The following FAM117B variants were observed in gnomAD, a reference collection of about 807,000 sequenced individuals.
The protein encoded by FAM117B is protein FAM117B.
In FAM117B, 22 loss-of-function variants were observed where a neutral mutation model predicts 52.8. That is an observed-to-expected ratio of 0.42 (90% CI 0.30 to 0.59). The LOEUF (loss-of-function observed/expected upper bound fraction) is 0.59, where lower values mean the gene tolerates loss of function less well. FAM117B is among the 20% of genes least tolerant of loss of function. The pLI, the probability that FAM117B is intolerant of heterozygous loss-of-function variation, is 0.22. For missense variants in FAM117B, 678 were observed against 802.6 expected (o/e 0.84, Z 1.88); for synonymous variants, 309 against 324.1 (o/e 0.95, Z 0.50).
intron 2 of FAM117B, among the ~76,000 whole-genome samples, chr2:202,720,052 A>ACC: frequency 1.3e-5 from 2 of 152,168 alleles, no homozygotes; most frequent in Non-Finnish European, 2.9e-5. Context: ...ACTAATAGTA[A>ACC]TTTGTGGAGA....
chr2:202,741,859 C>T (rs1691545581), intron 4 of FAM117B, among the ~76,000 whole-genome samples: 1 of 152,024 alleles, frequency 6.6e-6, no homozygotes, highest in South Asian at 2.1e-4. Context: ...TGACTGCAGT[C>T]CATAGCATTA....
chr2:202,636,577 A>G (rs946996161), intron 1 of FAM117B, among the ~76,000 whole-genome samples: 4 of 152,254 alleles, frequency 2.6e-5, no homozygotes, highest in African/African-American at 9.6e-5. Flanking sequence ...TTGGGTGCCA[A>G]TGGAGTCATT....
intron 4 of FAM117B, among the ~76,000 whole-genome samples, chr2:202,735,106 A>G (rs1212674811): frequency 6.6e-6 from 1 of 152,160 alleles, no homozygotes; most frequent in East Asian, 1.9e-4. Context: ...GAGTATTACA[A>G]ATGCTTCATT....
Position 202,755,691 on chromosome 2 carries a change from C to T in FAM117B, c.1104+10C>T. The T allele has an allele frequency of 1.9e-6, 3 of 1,607,330 alleles. No individual in the cohort carries two copies. The highest frequency in any genetic ancestry group is 1.7e-5 in the Admixed American group (1 of 59,234). ...GGAAGAGCAACTTATAGTAAGTGAT[C>T]TTGTATCTTAAAATCATTCTTGAAC... On this transcript the variant is annotated intron_variant, in intron 5 of 7. Transcript: ENST00000392238.
intron 2 of FAM117B, among the ~76,000 whole-genome samples, chr2:202,715,952 C>T (rs1481903814): frequency 2.0e-5 from 3 of 151,976 alleles, no homozygotes; most frequent in Non-Finnish European, 4.4e-5. Flanking sequence ...CGTGGTGGCG[C>T]GTGCCTGCAA....
chr2:202,674,299 G>A (rs1690344420), intron 1 of FAM117B, among the ~76,000 whole-genome samples: 1 of 152,128 alleles, frequency 6.6e-6, no homozygotes, highest in African/African-American at 2.4e-5. Flanking sequence ...TGAAACTTGT[G>A]GAACACATAA....
At chr2:202,650,468 G>T (rs1689939890) in intron 1 of FAM117B, among the ~76,000 whole-genome samples, 2 of 152,114 alleles carry the variant, frequency 1.3e-5, no homozygotes, top group African/African-American at 4.8e-5. Flanking sequence ...AAAGGAAAAG[G>T]CTCATGTATT....
chr2:202,651,523 C>T lies in FAM117B; in HGVS notation c.601+15735C>T, dbSNP rs940822697. On this transcript the variant is annotated intron_variant, in intron 1 of 7. Transcript: ENST00000392238. ...GAGTAGCTGGGATTATAGTCGCTCA[C>T]GACCATGCCTGGTTAATTTTTTGTA... 2.7e-4 allele frequency among the ~76,000 whole-genome samples: 41 copies of T among 151,230 alleles called. 2 individuals carry two copies. The highest frequency in any genetic ancestry group is 9.9e-4 in the Admixed American group (15 of 15,178).
At chr2:202,730,538 C>T (rs745992596) in intron 4 of FAM117B, among the ~76,000 whole-genome samples, 28 of 151,956 alleles carry the variant, frequency 1.8e-4, no homozygotes, top group Non-Finnish European at 1.8e-4. Context: ...GGCGTGGTGC[C>T]GCGTGCCTAT....
chr2:202,697,677 A>G (rs1287792157), intron 2 of FAM117B, among the ~76,000 whole-genome samples: 8 of 151,162 alleles, frequency 5.3e-5, no homozygotes, highest in Admixed American at 5.3e-4. Flanking sequence ...CAGCCTCCCG[A>G]GGAGCTGGAC....
rs532502851 is a variant in FAM117B, at chr2:202,717,541, T to A, written c.754-7376T>A. ...GGGTGCACCCCAAGCTCAGTAATGT[T>A]GTGATATTCTTGCAGAGTTGTAGAT... is the stretch of plus-strand genomic sequence containing the variant. On this transcript the variant is annotated intron_variant, in intron 2 of 7. Coordinates refer to ENST00000392238, the MANE Select transcript of FAM117B (RefSeq NM_173511.4). 8.5e-5 allele frequency among the ~76,000 whole-genome samples: 13 copies of A among 152,206 alleles called. No homozygotes were observed. In the South Asian group the frequency reaches 2.7e-3, roughly 32 times the overall value.
At position 202,686,868 on chromosome 2, in the gene FAM117B, C is replaced by T. The variant is rs549242952; in HGVS notation, c.602-9013C>T. ...GTATTTTGTATTAATCTGGGTTCTCCGGAGAAACAGAACCAATAGGATACA... is the reference window on the plus strand; with the variant it reads ...GTATTTTGTATTAATCTGGGTTCTCTGGAGAAACAGAACCAATAGGATACA... On this transcript the variant is annotated intron_variant, in intron 1 of 7. Coordinates refer to ENST00000392238, the MANE Select transcript of FAM117B (RefSeq NM_173511.4). Among the ~76,000 whole-genome samples the T allele has an allele frequency of 2.0e-3, 310 of 151,646 alleles. 1 individual carries two copies. The highest frequency in any genetic ancestry group is 7.2e-3 in the African/African-American group (299 of 41,354).
At chr2:202,756,818 G>A (rs1691807238) in intron 5 of FAM117B, among the ~76,000 whole-genome samples, 1 of 152,090 alleles carries the variant, frequency 6.6e-6, no homozygotes, top group Non-Finnish European at 1.5e-5. Context: ...TCCTTTCAGG[G>A]CGTGGCATCA....
chr2:202,765,436 C>G lies in FAM117B; in HGVS notation c.1452-10C>G, dbSNP rs367707509. 9 of 1,602,190 alleles carry G rather than the reference C, an allele frequency of 5.6e-6. No individual in the cohort carries two copies. The highest frequency in any genetic ancestry group is 6.0e-6 in the Non-Finnish European group (7 of 1,174,696). ...ACTTAAAAGCATTGGGTTGTCTGTT[C>G]TATGTCTAGGCCAAAACAGCTTCAT... On this transcript the variant is annotated splice_polypyrimidine_tract_variant and intron_variant, in intron 7 of 7. Coordinates refer to ENST00000392238, the MANE Select transcript of FAM117B (RefSeq NM_173511.4).
chr2:202,753,685 C>A (rs1691757586), intron 4 of FAM117B, among the ~76,000 whole-genome samples: 1 of 150,760 alleles, frequency 6.6e-6, no homozygotes, highest in South Asian at 2.1e-4. Context: ...GCAACCCCAT[C>A]AAAAAATGGA....
Position 202,695,951 on chromosome 2 carries a change from T to C in FAM117B, c.672T>C (p.Leu224=), listed in dbSNP as rs1690704016. 6.2e-7 allele frequency: 1 copy of C among 1,614,154 alleles called. No homozygotes were observed. Among genetic ancestry groups the C allele is most frequent in the Non-Finnish European group, 8.5e-7 (1 of 1,179,994 alleles). The change falls in exon 2 of 8, where the codon CTT becomes CTC. Residue 224 remains leucine (L), a synonymous_variant. Coordinates refer to ENST00000392238, the MANE Select transcript of FAM117B (RefSeq NM_173511.4). ...GACGCACTTCCTCCCTGGATACTCT[T>C]GCTGCACCGTATCTTGCTGGACACT... The part of the protein sequence containing the change: ...IIRRTSSLDT[L]AAPYLAGHWP...
chr2:202,660,081 TTTAG>T (rs1403809507), intron 1 of FAM117B, among the ~76,000 whole-genome samples: 1 of 152,138 alleles, frequency 6.6e-6, no homozygotes, highest in African/African-American at 2.4e-5. Flanking sequence ...AAAATTTTCA[TTTAG>T]TTCTTTTTTA....
chr2:202,686,825 T>C lies in FAM117B; in HGVS notation c.602-9056T>C, dbSNP rs140155504. On this transcript the variant is annotated intron_variant, in intron 1 of 7. Transcript: ENST00000392238. The stretch of plus-strand genomic sequence containing the variant: ...TCGGTCAAAAAAAAAAAAAGAGGTA[T>C]TAGATAACCAAATTGTAGTATTTTG... 9.4e-3 allele frequency among the ~76,000 whole-genome samples: 1,423 copies of C among 150,874 alleles called. 11 individuals carry two copies. The highest frequency in any genetic ancestry group is 0.018 in the Middle Eastern group (5 of 284).
chr2:202,740,177 A>C (rs1229560425), intron 4 of FAM117B, among the ~76,000 whole-genome samples: 15 of 134,738 alleles, frequency 1.1e-4, no homozygotes, highest in African/African-American at 4.0e-4. Flanking sequence ...CATCCCCCAA[A>C]AAAAAAAAAA....
Sources: allele counts gnomAD v4.1 joint callset (sites outside exome capture counted in the v4.1 genomes callset), GRCh38; gene constraint gnomAD v4.1.1; transcripts MANE v1.5; gene names NCBI Gene and HGNC (gene_info 2026-07-23, HGNC 2026-07-21).